TRIM2: variants seen among roughly 807,000 people sequenced by gnomAD.
TRIM2 encodes tripartite motif containing 2, also known as tripartite motif-containing protein 2.
A neutral mutation model predicts 75.2 loss-of-function variants in TRIM2; 20 were observed. That is an observed-to-expected ratio of 0.27 (90% CI 0.19 to 0.39). The LOEUF is 0.39. Among genes scored for constraint, TRIM2 ranks in the 10% least tolerant of loss-of-function variants. The pLI is 1.00. For synonymous variants in TRIM2, 373 were observed against 388.3 expected (o/e 0.96, Z 0.46); for missense variants, 660 against 990.8 (o/e 0.67, Z 4.48).
At chr4:153,166,537 TTCTC>T (rs1288657709) in intron 1 of TRIM2, among the ~76,000 whole-genome samples, 23 of 63,622 alleles carry the variant, frequency 3.6e-4, no homozygotes, top group East Asian at 1.4e-3. Flanking sequence ...TTCCTTCCTT[TTCTC>T]TCTCTCTCTT....
At chr4:153,169,372 A>G (rs1187012568) in intron 1 of TRIM2, among the ~76,000 whole-genome samples, 1 of 152,190 alleles carries the variant, frequency 6.6e-6, no homozygotes, top group Non-Finnish European at 1.5e-5. Context: ...GAACCTATCC[A>G]GTTTGCTTTA....
chr4:153,286,268 G>A (rs1760597352), intron 3 of TRIM2, among the ~76,000 whole-genome samples: 1 of 152,092 alleles, frequency 6.6e-6, no homozygotes, highest in African/African-American at 2.4e-5. Flanking sequence ...ATATTTATAA[G>A]GGTTATTGGT....
At chr4:153,154,395 AGT>A (rs1729029530) in intron 1 of TRIM2, among the ~76,000 whole-genome samples, 1 of 152,220 alleles carries the variant, frequency 6.6e-6, no homozygotes, top group South Asian at 2.1e-4. Context: ...CTGTGTTGGG[AGT>A]GTGAGCAATG....
intron 1 of TRIM2, among the ~76,000 whole-genome samples, chr4:153,213,824 C>A (rs1234809350): frequency 6.6e-6 from 1 of 152,156 alleles, no homozygotes; most frequent in Non-Finnish European, 1.5e-5. Flanking sequence ...CTGTGCCTGG[C>A]AAATCCTACT....
At chr4:153,207,109 ATATT>A (rs1735687555) in intron 1 of TRIM2, among the ~76,000 whole-genome samples, 1 of 152,166 alleles carries the variant, frequency 6.6e-6, no homozygotes, top group African/African-American at 2.4e-5. Context: ...GACCAAATAT[ATATT>A]TCTTATTATA....
At chr4:153,244,421 T>TTCTTCTTCTTCTTCTTCCTCTTCC (rs1560875635) in intron 1 of TRIM2, among the ~76,000 whole-genome samples, 12 of 89,172 alleles carry the variant, frequency 1.3e-4, no homozygotes, top group Non-Finnish European at 1.9e-4. Flanking sequence ...CTTCTTCTTC[T>TTCTTCTTCTTCTTCTTCCTCTTCC]TCTTCTTCTT....
intron 1 of TRIM2, among the ~76,000 whole-genome samples, chr4:153,225,277 G>C (rs1033262891): frequency 6.6e-6 from 1 of 152,180 alleles, no homozygotes; most frequent in African/African-American, 2.4e-5. Context: ...GATTTGTACA[G>C]GTACTAAAAG....
rs749774724 is a variant in TRIM2, at chr4:153,294,340, C to T, written c.641C>T (p.Ser214Phe). The change falls in exon 5 of 12, where the codon TCT becomes TTT. Residue 214 changes from serine to phenylalanine, a missense_variant. Ser to Phe is a radical substitution (Grantham distance 155). This residue lies in a region of TRIM2 where 620 missense variants were observed against 891.0 expected (regional missense o/e 0.70). Coordinates refer to ENST00000338700, the MANE Select transcript of TRIM2 (RefSeq NM_015271.5). ...PEIDSALQFISEIIHQLTNQK... is the reference protein window; with the variant it reads ...PEIDSALQFIFEIIHQLTNQK... Reference sequence around the variant, plus strand: ...ATAGATTCTGCTCTTCAGTTCATCTCTGAAATCATTCATCAGTTAACCAAC... The same window carrying T: ...ATAGATTCTGCTCTTCAGTTCATCTTTGAAATCATTCATCAGTTAACCAAC... The T allele has an allele frequency of 6.2e-7, 1 of 1,614,196 alleles. No individual in the cohort carries two copies. The highest frequency in any genetic ancestry group is 8.5e-7 in the Non-Finnish European group (1 of 1,180,038).
intron 7 of TRIM2, 31 bp from the exon 8 acceptor site, chr4:153,315,801 C>T (rs759727664): frequency 3.1e-6 from 5 of 1,611,196 alleles, no homozygotes; most frequent in Non-Finnish European, 2.5e-6. Flanking sequence ...TGTACTAGTT[C>T]ACATTCCAAT....
At chr4:153,171,950 A>T (rs541906462) in intron 1 of TRIM2, among the ~76,000 whole-genome samples, 1 of 151,216 alleles carries the variant, frequency 6.6e-6, no homozygotes, top group East Asian at 2.0e-4. Context: ...ACCACCATGG[A>T]ATTATTATAC....
At chr4:153,280,906 G>A (rs371709771) in intron 3 of TRIM2, among the ~76,000 whole-genome samples, 1 of 151,748 alleles carries the variant, frequency 6.6e-6, no homozygotes, top group Non-Finnish European at 1.5e-5. Context: ...GGATGGTCTC[G>A]ATCTCCTGAC....
chr4:153,244,153 G>C (rs200171962), intron 1 of TRIM2, among the ~76,000 whole-genome samples: 14,245 of 110,916 alleles, frequency 0.13, 1,068 homozygotes, highest in Middle Eastern at 0.23. Context: ...TGTTCTTCTT[G>C]TTCTTCTTCT....
At chr4:153,191,116 C>CT (rs998620024) in intron 1 of TRIM2, among the ~76,000 whole-genome samples, 1 of 152,134 alleles carries the variant, frequency 6.6e-6, no homozygotes, top group African/African-American at 2.4e-5. Flanking sequence ...TGAAGCTTAG[C>CT]TTTTTTCACT....
At chr4:153,157,865 C>G (rs1157534173) in intron 1 of TRIM2, among the ~76,000 whole-genome samples, 2 of 152,230 alleles carry the variant, frequency 1.3e-5, no homozygotes, top group African/African-American at 4.8e-5. Context: ...TGAGACCAAC[C>G]TTGGGGATCA....
At chr4:153,306,815 A>AT (rs1765107612) in intron 6 of TRIM2, among the ~76,000 whole-genome samples, 1 of 152,024 alleles carries the variant, frequency 6.6e-6, no homozygotes, top group African/African-American at 2.4e-5. Flanking sequence ...GAAATGCTAC[A>AT]TATCAGAGCT....
upstream of TRIM2, among the ~76,000 whole-genome samples, chr4:153,203,720 C>G (rs1352096980): frequency 1.3e-5 from 2 of 152,048 alleles, no homozygotes; most frequent in Non-Finnish European, 2.9e-5. Context: ...GGCGAAACCC[C>G]GTCTCTACTA....
At position 153,295,270 on chromosome 4, in the gene TRIM2, C is replaced by T. The variant is rs566100112; in HGVS notation, c.787-43C>T. 11 of 1,519,380 alleles carry T rather than the reference C, an allele frequency of 7.2e-6. No individual in the cohort carries two copies. Among genetic ancestry groups the T allele is most frequent in the African/African-American group, 1.4e-5 (1 of 72,730 alleles). The allele number at this position is 1,519,380 out of a possible 1,614,324, so 94.1% of individuals were successfully genotyped here. A position where few individuals can be genotyped will look rare whatever the true frequency, so the allele number is the denominator to read the frequency against. On this transcript the variant is annotated intron_variant, in intron 5 of 11. Transcript: ENST00000338700. The surrounding 1 kb of genome is among the most constrained non-coding windows in gnomAD (Gnocchi z 7.2). ...GAGGGCACTGCCCCGGGCTAGGCCCCGCCCTGTGGGACGAGCTCACCAGGC... is the reference window on the plus strand; with the variant it reads ...GAGGGCACTGCCCCGGGCTAGGCCCTGCCCTGTGGGACGAGCTCACCAGGC...
chr4:153,245,099 C>G (rs1474800543), intron 1 of TRIM2, among the ~76,000 whole-genome samples: 1 of 152,236 alleles, frequency 6.6e-6, no homozygotes, highest in Non-Finnish European at 1.5e-5. Flanking sequence ...GCAAAGTACA[C>G]ACACAGTCAG....
At chr4:153,221,339 G>A (rs1351098462) in intron 1 of TRIM2, among the ~76,000 whole-genome samples, 1 of 152,120 alleles carries the variant, frequency 6.6e-6, no homozygotes, top group Non-Finnish European at 1.5e-5. Flanking sequence ...GAGATGTGAA[G>A]ATCGCTTGAG....
Sources: gnomAD v4.1 joint callset for allele counts (sites outside exome capture counted in the v4.1 genomes callset) on GRCh38, gnomAD v4.1.1 for gene constraint, gnomAD v4.1.1 regional missense constraint, Gnocchi (gnomAD v3.1) non-coding constraint, MANE v1.5 for transcripts, NCBI Gene and HGNC (gene_info 2026-07-23, HGNC 2026-07-21) for gene names.